The following C2CD3 variants were observed in gnomAD, a reference collection of about 807,000 sequenced individuals.
C2CD3 encodes C2 domain-containing protein 3.
Under a neutral mutation model 234.0 loss-of-function variants are expected in C2CD3, and 148 were observed. That is an observed-to-expected ratio of 0.63 (90% CI 0.55 to 0.72). The LOEUF is 0.72. Among genes scored for constraint, C2CD3 ranks in the 30% least tolerant of loss-of-function variants. The pLI is 0.00. For missense variants in C2CD3, 2,577 were observed against 2,811.5 expected, an observed-to-expected ratio of 0.92 and a Z score of 1.89; for synonymous variants, 1,000 against 1,035.4, an observed-to-expected ratio of 0.97 and a Z score of 0.66.
In C2CD3 at chr11:74,093,965, T is replaced by G. The variant is rs1483758484; in HGVS notation, c.3195A>C (p.Thr1065=). 1 of 1,613,752 alleles carries G rather than the reference T, an allele frequency of 6.2e-7. No individual in the cohort carries two copies. The highest frequency in any genetic ancestry group is 8.5e-7 in the Non-Finnish European group (1 of 1,179,804). The stretch of plus-strand genomic sequence containing the variant: ...TAAAGATGGGATCTGGAACACAGAG[T>G]GTGGTTGCAGTTCTGAAGGGCTTCA... The part of the protein sequence containing the change: ...ITLKPFRTAT[T]LCVPDPIFNS... The change falls in exon 18 of 33, where the codon ACA becomes ACC. Residue 1065 remains threonine (T), a synonymous_variant. Transcript: ENST00000334126.
At chr11:74,086,020 T>C (rs762823924) in intron 20 of C2CD3, 134 bp from the exon 21 acceptor site, 9 of 897,526 alleles carry the variant, frequency 1.0e-5, no homozygotes, top group Non-Finnish European at 1.5e-5. Flanking sequence ...CTATCTAGGC[T>C]TTTGGCAGTG....
Position 74,139,845 on chromosome 11 carries a change from G to GC in C2CD3, c.484-18_484-17insG. 2 of 1,495,552 alleles carry GC rather than the reference G, an allele frequency of 1.3e-6. No homozygotes were observed. The highest frequency in any genetic ancestry group is 1.9e-6 in the Non-Finnish European group (2 of 1,072,582). The allele number at this position is 1,495,552 out of a possible 1,614,324, so 92.6% of individuals were successfully genotyped here. Reference sequence around the variant, plus strand: ...AAGTGAGACCTAAGAGAGACAGGTAGTATATGAGAAATTTTCTTTAGCATT... The same window carrying GC: ...AAGTGAGACCTAAGAGAGACAGGTAGCTATATGAGAAATTTTCTTTAGCATT... On this transcript the variant is annotated splice_polypyrimidine_tract_variant and intron_variant, in intron 3 of 32. Coordinates refer to ENST00000334126, the MANE Select transcript of C2CD3 (RefSeq NM_001286577.2).
At chr11:74,126,818 C>A (rs1238548534) in intron 7 of C2CD3, among the ~76,000 whole-genome samples, 1 of 152,062 alleles carries the variant, frequency 6.6e-6, no homozygotes, top group Non-Finnish European at 1.5e-5. Context: ...ATAAATGTGA[C>A]CAACCATCAC....
At chr11:74,134,001 C>G (rs1233944532) in intron 5 of C2CD3, among the ~76,000 whole-genome samples, 1 of 152,136 alleles carries the variant, frequency 6.6e-6, no homozygotes, top group African/African-American at 2.4e-5. Flanking sequence ...TAAAACCTGA[C>G]TTTTCCGACT....
intron 14 of C2CD3, 113 bp from the exon 15 acceptor site, chr11:74,100,789 T>C (rs1956286996): frequency 3.5e-6 from 3 of 865,344 alleles, no homozygotes; most frequent in South Asian, 1.8e-5. Context: ...CACACAGTGT[T>C]ATGAGCTAAA....
intron 3 of C2CD3, among the ~76,000 whole-genome samples, chr11:74,146,747 C>CACACAT (rs58129019): frequency 0.013 from 1,884 of 144,108 alleles, 55 homozygotes; most frequent in African/African-American, 0.042. Flanking sequence ...CACACACACA[C>CACACAT]AATTAACATA....
At chr11:74,131,856 G>C (rs1222991066) in intron 7 of C2CD3, among the ~76,000 whole-genome samples, 2 of 152,164 alleles carry the variant, frequency 1.3e-5, no homozygotes, top group African/African-American at 4.8e-5. Flanking sequence ...ATAGGCGTGA[G>C]CTTTTGGAGC....
rs1342317245 is a variant in C2CD3, at chr11:74,054,625, T to C, written c.5137A>G (p.Lys1713Glu). 1 of 1,611,968 alleles carries C rather than the reference T, an allele frequency of 6.2e-7. No individual in the cohort carries two copies. The highest frequency in any genetic ancestry group is 8.5e-7 in the Non-Finnish European group (1 of 1,178,840). ...LLDPQQTLVF[K>E]VWHKGDEERV... ...TTCATACCTCCTTTATGCCAAACTT[T>C]GAAGACCAGGGTTTGTTGTGGGTCC... The change falls in exon 26 of 33, where the codon AAA becomes GAA. Residue 1713 changes from lysine to glutamate, a missense_variant. Lys to Glu is a moderately conservative substitution (Grantham distance 56). Transcript: ENST00000334126.
At chr11:74,030,699 T>G (rs1007918202) in intron 31 of C2CD3, among the ~76,000 whole-genome samples, 1 of 152,102 alleles carries the variant, frequency 6.6e-6, no homozygotes, top group Non-Finnish European at 1.5e-5. Flanking sequence ...CCTCATCGAC[T>G]CCCAGAGATG....
rs550973342 is a variant in C2CD3 at position 74,117,063 on chromosome 11, T to TATATATATATGA, written c.1520+1153_1520+1164dup. On this transcript the variant is annotated intron_variant, in intron 9 of 32. Coordinates refer to ENST00000334126, the MANE Select transcript of C2CD3 (RefSeq NM_001286577.2). ...ACGTGTGTGTGTATATATATATGAA[T>TATATATATATGA]ATATATATATGAATATATATATGAA... is the stretch of plus-strand genomic sequence containing the variant. Among the ~76,000 whole-genome samples the TATATATATATGA allele has an allele frequency of 1.5e-3, 70 of 46,142 alleles. 2 individuals are homozygous for TATATATATATGA. The highest frequency in any genetic ancestry group is 5.0e-3 in the East Asian group (9 of 1,790). The allele number at this position is 46,142 out of a possible 152,430, so 30.3% of individuals were successfully genotyped here.
intron 5 of C2CD3, among the ~76,000 whole-genome samples, chr11:74,134,307 T>C (rs1957786476): frequency 1.3e-5 from 2 of 152,216 alleles, no homozygotes; most frequent in South Asian, 4.1e-4. Flanking sequence ...ATACTATCTA[T>C]GACCCTACTT....
At chr11:74,167,328 A>G (rs1856875275) in intron 2 of C2CD3, among the ~76,000 whole-genome samples, 1 of 152,204 alleles carries the variant, frequency 6.6e-6, no homozygotes, top group Non-Finnish European at 1.5e-5. Flanking sequence ...CAGTACCAAG[A>G]TTATTTATAT....
intron 22 of C2CD3, among the ~76,000 whole-genome samples, chr11:74,081,986 C>G (rs989662733): frequency 1.3e-5 from 2 of 152,128 alleles, no homozygotes; most frequent in African/African-American, 2.4e-5. Flanking sequence ...ATTTCTTTCT[C>G]TTGCCTGATT....
In C2CD3 at chr11:74,139,619, T is replaced by A; in HGVS notation, c.693A>T (p.Arg231Ser). 6.2e-7 allele frequency: 1 copy of A among 1,612,606 alleles called. No individual in the cohort carries two copies. The highest frequency in any genetic ancestry group is 8.5e-7 in the Non-Finnish European group (1 of 1,178,632). The part of the protein sequence containing the change: ...DGKELAANSS[R>S]STTPRGKDHV... Reference sequence around the variant, plus strand: ...ATGGTAATTACCTCGGAGTGGTTGATCTACTGCTGTTGGCTGCTAACTCTT... The same window carrying A: ...ATGGTAATTACCTCGGAGTGGTTGAACTACTGCTGTTGGCTGCTAACTCTT... The change falls in exon 4 of 33, where the codon AGA (arginine) becomes AGT (serine). Residue 231 changes from arginine to serine, a missense_variant. Transcript: ENST00000334126.
chr11:74,015,502 G>C (rs1951846036), intron 32 of C2CD3, among the ~76,000 whole-genome samples: 1 of 152,154 alleles, frequency 6.6e-6, no homozygotes, highest in South Asian at 2.1e-4. Context: ...CTGACCCCCA[G>C]CTGTACTGCA....
intron 24 of C2CD3, among the ~76,000 whole-genome samples, chr11:74,063,760 G>A (rs1216202150): frequency 6.6e-6 from 1 of 152,190 alleles, no homozygotes; most frequent in African/African-American, 2.4e-5. Context: ...ACATAGTGTT[G>A]TAAGTTCAGG....
chr11:74,166,582 A>G (rs1002888797), intron 2 of C2CD3, among the ~76,000 whole-genome samples: 3 of 152,310 alleles, frequency 2.0e-5, no homozygotes, highest in East Asian at 3.9e-4. Context: ...TCTTAATAAC[A>G]TAAGATTAGC....
chr11:74,121,499 C>T (rs555999715), intron 8 of C2CD3, among the ~76,000 whole-genome samples: 18 of 149,234 alleles, frequency 1.2e-4, no homozygotes, highest in African/African-American at 4.4e-4. Context: ...CCCAGCTACT[C>T]GGGAGGCTGA....
intron 26 of C2CD3, among the ~76,000 whole-genome samples, chr11:74,053,180 T>C (rs1953775030): frequency 6.6e-6 from 1 of 152,230 alleles, no homozygotes; most frequent in Non-Finnish European, 1.5e-5. Flanking sequence ...AGCCACTAAA[T>C]TTCCTTGGGC....
Sources: allele counts gnomAD v4.1 joint callset (sites outside exome capture counted in the v4.1 genomes callset), GRCh38; gene constraint gnomAD v4.1.1; transcripts MANE v1.5; gene names NCBI Gene and HGNC (gene_info 2026-07-23, HGNC 2026-07-21).